Variants in CDK7 observed in about 807,000 individuals in gnomAD.
CDK7 encodes cyclin dependent kinase 7, also known as cyclin-dependent kinase 7.
In CDK7, 25 loss-of-function variants were observed where a neutral mutation model predicts 49.1. The observed-to-expected ratio is 0.51, with a 90% CI of 0.37 to 0.71. The LOEUF is 0.71. CDK7 is among the 30% of genes least tolerant of loss of function. CDK7 has a pLI of 0.00. For missense variants in CDK7, 316 were observed against 411.7 expected (o/e 0.77, Z 2.01); for synonymous variants, 107 against 140.0 (o/e 0.76, Z 1.67).
chr5:69,248,790 C>CTTTTTTTT (rs61331502), intron 2 of CDK7, among the ~76,000 whole-genome samples: 10 of 110,454 alleles, frequency 9.1e-5, no homozygotes, highest in Admixed American at 1.9e-4. Context: ...ACCTTCTTTT[C>CTTTTTTTT]TTTTTTTTTT....
rs573684030 is a variant in CDK7 at position 69,269,728 on chromosome 5, T to G, written c.714+435T>G. ...GGTGTACATATATGTATATATGATG[T>G]TTCTCTTAGATTTTTTTAAATTATT... On this transcript the variant is annotated intron_variant, in intron 9 of 11. Transcript: ENST00000256443. Among the ~76,000 whole-genome samples the G allele has an allele frequency of 2.6e-5, 4 of 151,960 alleles. No individual in the cohort carries two copies. In the South Asian group the frequency reaches 8.3e-4, roughly 32 times the overall value.
chr5:69,268,491 C>T (rs1751306492), intron 8 of CDK7, among the ~76,000 whole-genome samples: 1 of 152,118 alleles, frequency 6.6e-6, no homozygotes, highest in African/African-American at 2.4e-5. Flanking sequence ...ACTAAATTTT[C>T]AATATTCGTT....
At chr5:69,272,761 G>A (rs58435598) in intron 9 of CDK7, 131 bp from the exon 10 acceptor site, 6 of 496,546 alleles carry the variant, frequency 1.2e-5, no homozygotes, top group Non-Finnish European at 1.7e-5. Flanking sequence ...CTTACTACTA[G>A]TTCTAGGACT....
intron 2 of CDK7, among the ~76,000 whole-genome samples, chr5:69,244,886 C>T (rs138677131): frequency 1.4e-3 from 211 of 152,142 alleles, no homozygotes; most frequent in African/African-American, 4.8e-3. Context: ...GAGTTTTTAT[C>T]ATGAAGGGAT....
intron 2 of CDK7, among the ~76,000 whole-genome samples, chr5:69,238,184 A>G (rs142126379): frequency 1.7e-4 from 26 of 152,082 alleles, no homozygotes; most frequent in Non-Finnish European, 3.2e-4. Flanking sequence ...TATTTAACCA[A>G]TCACCTATTG....
At chr5:69,267,292 C>CTTTTTTTT (rs71612523) in intron 8 of CDK7, among the ~76,000 whole-genome samples, 2 of 91,076 alleles carry the variant, frequency 2.2e-5, no homozygotes, top group Non-Finnish European at 4.2e-5. Context: ...ATAAGGATTC[C>CTTTTTTTT]TTTTTTTTTT....
chr5:69,253,380 T>G (rs913548546), intron 3 of CDK7, among the ~76,000 whole-genome samples: 4 of 152,128 alleles, frequency 2.6e-5, no homozygotes, highest in Admixed American at 2.0e-4. Context: ...TTCTCCTGCC[T>G]CAGCTTCCTG....
chr5:69,234,872 G>T, upstream of CDK7: 1 of 1,159,298 alleles, frequency 8.6e-7, no homozygotes, highest in Non-Finnish European at 1.3e-6. Flanking sequence ...AAGCGACGGA[G>T]CCCGGTGGAC....
chr5:69,259,926 G>A lies in CDK7; in HGVS notation c.517G>A (p.Val173Ile), dbSNP rs1486464168. The A allele has an allele frequency of 1.2e-6, 2 of 1,600,046 alleles. No individual in the cohort carries two copies. Among genetic ancestry groups the A allele is most frequent in the Non-Finnish European group, 1.7e-6 (2 of 1,167,754 alleles). The stretch of plus-strand genomic sequence containing the variant: ...CCCCAATAGAGCTTATACACATCAG[G>A]TTGTAACCAGGTAAGAATCTCTTAA... ...GSPNRAYTHQVVTRWYRAPEL... is the reference protein window; with the variant it reads ...GSPNRAYTHQIVTRWYRAPEL... The change falls in exon 7 of 12, where the codon GTT (valine) becomes ATT (isoleucine). Residue 173 changes from valine to isoleucine, a missense_variant. Transcript: ENST00000256443.
intron 2 of CDK7, among the ~76,000 whole-genome samples, chr5:69,244,723 C>T (rs140957022): frequency 7.9e-5 from 12 of 151,102 alleles, no homozygotes; most frequent in African/African-American, 2.7e-4. Flanking sequence ...ACTTCCAGTA[C>T]TATATTGAAT....
At chr5:69,253,679 G>A (rs1750294383) in intron 3 of CDK7, among the ~76,000 whole-genome samples, 1 of 152,192 alleles carries the variant, frequency 6.6e-6, no homozygotes, top group African/African-American at 2.4e-5. Context: ...GAGTAGGGAA[G>A]CTTATCACCT....
chr5:69,252,388 T>C, intron 2 of CDK7, 30 bp from the exon 3 acceptor site: 1 of 1,337,648 alleles, frequency 7.5e-7, no homozygotes, highest in Non-Finnish European at 1.1e-6. Flanking sequence ...ACATTTTTAA[T>C]ATATTTGGGT....
In CDK7 at chr5:69,238,094, C is replaced by G. The variant is rs568484618; in HGVS notation, c.126+2641C>G. 2.0e-5 allele frequency among the ~76,000 whole-genome samples: 3 copies of G among 152,200 alleles called. No individual in the cohort carries two copies. The South Asian group carries it at 6.2e-4, about 32-fold the overall frequency. On this transcript the variant is annotated intron_variant, in intron 2 of 11. Coordinates refer to ENST00000256443, the MANE Select transcript of CDK7 (RefSeq NM_001799.4). Reference sequence around the variant, plus strand: ...ATAAATAAGTTACTCTGTACTCATTCACCTGTTGAGTCTTGGACTTTAGAA... The same window carrying G: ...ATAAATAAGTTACTCTGTACTCATTGACCTGTTGAGTCTTGGACTTTAGAA...
chr5:69,276,815 A>C, intron 11 of CDK7, 125 bp downstream of exon 11: 1 of 860,998 alleles, frequency 1.2e-6, no homozygotes. Context: ...TTATAAATTT[A>C]ATTGTATAAA....
rs759248912 is a variant in CDK7 at position 69,276,532 on chromosome 5, T to C, written c.865-11T>C. ...CACCTACCTTACTTTTGGTATCTTT[T>C]CTTTTAAAAGGCACTGAAAATGAAG... On this transcript the variant is annotated splice_polypyrimidine_tract_variant and intron_variant, in intron 10 of 11. Transcript: ENST00000256443. 6.2e-7 allele frequency: 1 copy of C among 1,611,912 alleles called. No homozygotes were observed. The highest frequency in any genetic ancestry group is 8.5e-7 in the Non-Finnish European group (1 of 1,179,752).
chr5:69,247,509 T>G (rs1217134366), intron 2 of CDK7, among the ~76,000 whole-genome samples: 1 of 147,104 alleles, frequency 6.8e-6, no homozygotes, highest in Non-Finnish European at 1.5e-5. Context: ...TCTTTGGGGC[T>G]TCTTTTTTTT....
chr5:69,272,352 T>A (rs1294212867), intron 9 of CDK7, among the ~76,000 whole-genome samples: 1 of 152,186 alleles, frequency 6.6e-6, no homozygotes, highest in Non-Finnish European at 1.5e-5. Flanking sequence ...TTTTTCAAAA[T>A]CATTTTAGCT....
At chr5:69,269,721 TATG>T (rs1751402074) in intron 9 of CDK7, among the ~76,000 whole-genome samples, 1 of 151,956 alleles carries the variant, frequency 6.6e-6, no homozygotes, top group East Asian at 2.0e-4. Flanking sequence ...TATATGTATA[TATG>T]ATGTTTCTCT....
chr5:69,249,946 A>G (rs955787791), intron 2 of CDK7, among the ~76,000 whole-genome samples: 2 of 152,224 alleles, frequency 1.3e-5, no homozygotes, highest in African/African-American at 4.8e-5. Context: ...TATTTGTTGA[A>G]TTTACCTGAT....
Sources: allele counts gnomAD v4.1 joint callset (sites outside exome capture counted in the v4.1 genomes callset), GRCh38; gene constraint gnomAD v4.1.1; transcripts MANE v1.5; gene names NCBI Gene and HGNC (gene_info 2026-07-23, HGNC 2026-07-21).